Variants in CDH13 observed in about 807,000 individuals in gnomAD.
CDH13 encodes the protein cadherin-13.
CDH13 carries 24 observed loss-of-function variants against 63.8 expected under a neutral mutation model. The ratio of observed to expected loss-of-function variants is 0.38; its 90% CI spans 0.27 to 0.53. The LOEUF is 0.53. Ranked by LOEUF, CDH13 falls within the 20% of genes least tolerant of loss-of-function variation. CDH13 has a pLI of 0.85. For synonymous variants in CDH13, 503 were observed against 355.3 expected, an observed-to-expected ratio of 1.42 and a Z score of -4.67; for missense variants, 1,049 against 903.1, an observed-to-expected ratio of 1.16 and a Z score of -2.07.
chr16:83,466,222 C>T (rs1289265279), intron 6 of CDH13, among the ~76,000 whole-genome samples: 1 of 152,168 alleles, frequency 6.6e-6, no homozygotes, highest in Non-Finnish European at 1.5e-5. Context: ...AGCACGCTCC[C>T]ATTTTAGAAC....
chr16:82,633,525 C>A (rs1326476119), intron 1 of CDH13, among the ~76,000 whole-genome samples: 1 of 152,178 alleles, frequency 6.6e-6, no homozygotes, highest in Non-Finnish European at 1.5e-5. Context: ...ATTACAGGTG[C>A]CCGCCACCAG....
intron 1 of CDH13, among the ~76,000 whole-genome samples, chr16:82,727,949 A>C (rs1395489100): frequency 3.9e-5 from 6 of 152,092 alleles, no homozygotes; most frequent in South Asian, 2.1e-4. Context: ...TGCAGGTTCA[A>C]ATTCCCCTGA....
intron 2 of CDH13, among the ~76,000 whole-genome samples, chr16:82,917,940 A>G (rs1450561081): frequency 1.3e-5 from 2 of 150,760 alleles, no homozygotes; most frequent in Admixed American, 1.3e-4. Flanking sequence ...AAAGGCATGT[A>G]AAGTAAATGG....
intron 1 of CDH13, among the ~76,000 whole-genome samples, chr16:82,699,287 T>G (rs903114897): frequency 1.3e-5 from 2 of 152,192 alleles, no homozygotes; most frequent in South Asian, 4.1e-4. Context: ...CAAGGACAGC[T>G]GCTTGTGTCC....
intron 4 of CDH13, among the ~76,000 whole-genome samples, chr16:83,202,932 A>C (rs929951395): frequency 3.9e-5 from 6 of 152,192 alleles, no homozygotes; most frequent in African/African-American, 1.2e-4. Context: ...GGGCTGAAAA[A>C]CTTCCTTTTG....
intron 3 of CDH13, among the ~76,000 whole-genome samples, chr16:83,114,215 AT>A (rs1450673925): frequency 6.6e-6 from 1 of 152,134 alleles, no homozygotes; most frequent in Non-Finnish European, 1.5e-5. Context: ...CCTTCGATGC[AT>A]TTTTTATTTT....
At chr16:82,649,545 T>C (rs927303409) in intron 1 of CDH13, among the ~76,000 whole-genome samples, 1 of 152,152 alleles carries the variant, frequency 6.6e-6, no homozygotes, top group African/African-American at 2.4e-5. Context: ...GAAAGTGGGC[T>C]TAAGCAGCAT....
intron 6 of CDH13, among the ~76,000 whole-genome samples, chr16:83,441,021 T>C (rs536506629): frequency 2.2e-4 from 33 of 152,328 alleles, no homozygotes; most frequent in African/African-American, 6.5e-4. Flanking sequence ...AACTTTCTAA[T>C]ATATTTAAGG....
intron 10 of CDH13, among the ~76,000 whole-genome samples, chr16:83,722,400 G>A (rs1052692695): frequency 2.6e-5 from 4 of 152,210 alleles, no homozygotes; most frequent in African/African-American, 9.6e-5. Flanking sequence ...CCAATTCATA[G>A]CAGTTTGCAG....
At chr16:83,540,665 T>A (rs1473208801) in intron 7 of CDH13, among the ~76,000 whole-genome samples, 1 of 152,226 alleles carries the variant, frequency 6.6e-6, no homozygotes, top group East Asian at 1.9e-4. Context: ...TAATGACATC[T>A]CAAGTAGTAA....
chr16:83,613,522 A>C (rs937781165), intron 8 of CDH13, among the ~76,000 whole-genome samples: 1 of 152,130 alleles, frequency 6.6e-6, no homozygotes, highest in Non-Finnish European at 1.5e-5. Context: ...CTAATCTACT[A>C]TACCCATTTA....
intron 11 of CDH13, among the ~76,000 whole-genome samples, chr16:83,748,624 G>A (rs1052671430): frequency 2.0e-5 from 3 of 152,192 alleles, no homozygotes; most frequent in African/African-American, 7.2e-5. Context: ...GGACATCACT[G>A]ACCCTGACCA....
At position 83,264,972 on chromosome 16, in the gene CDH13, TTTTC is replaced by T. The variant is rs1337739866; in HGVS notation, c.636+47479_636+47482del. Among the ~76,000 whole-genome samples, 18 of 152,324 alleles carry T rather than the reference TTTTC, an allele frequency of 1.2e-4. No homozygotes were observed. In the East Asian group the frequency reaches 2.5e-3, roughly 21 times the overall value. On this transcript the variant is annotated intron_variant, in intron 5 of 13. Coordinates refer to ENST00000567109, the MANE Select transcript of CDH13 (RefSeq NM_001257.5). ...TATATGAAATACGACTCTGATAGAATTTTCTTTGTCACCTATCATTTTGTTTTTC... is the reference window on the plus strand; with the variant it reads ...TATATGAAATACGACTCTGATAGAATTTTGTCACCTATCATTTTGTTTTTC...
chr16:83,494,177 G>A (rs1340124832), intron 7 of CDH13, among the ~76,000 whole-genome samples: 1 of 152,040 alleles, frequency 6.6e-6, no homozygotes, highest in African/African-American at 2.4e-5. Context: ...AAGATAATTT[G>A]CAGAGTGATG....
At chr16:82,694,407 T>A (rs1337960786) in intron 1 of CDH13, among the ~76,000 whole-genome samples, 1 of 152,224 alleles carries the variant, frequency 6.6e-6, no homozygotes, top group Admixed American at 6.5e-5. Flanking sequence ...TTTTTCTGTG[T>A]CAATGTGATA....
At chr16:83,142,784 C>G (rs967374142) in intron 4 of CDH13, among the ~76,000 whole-genome samples, 1 of 152,068 alleles carries the variant, frequency 6.6e-6, no homozygotes, top group African/African-American at 2.4e-5. Flanking sequence ...AAGGCCAACT[C>G]CAGTGGTCTC....
chr16:83,189,275 C>A (rs533275175), intron 4 of CDH13, among the ~76,000 whole-genome samples: 1 of 152,264 alleles, frequency 6.6e-6, no homozygotes, highest in African/African-American at 2.4e-5. Flanking sequence ...GGCCTCCAGC[C>A]CCTCATGCAC....
chr16:82,992,479 C>T (rs1008571379), intron 2 of CDH13, among the ~76,000 whole-genome samples: 1 of 152,076 alleles, frequency 6.6e-6, no homozygotes, highest in African/African-American at 2.4e-5. Context: ...GGTTTACAAC[C>T]AGTCAAGGGG....
At chr16:82,678,131 A>G (rs1406629865) in intron 1 of CDH13, among the ~76,000 whole-genome samples, 1 of 152,080 alleles carries the variant, frequency 6.6e-6, no homozygotes, top group African/African-American at 2.4e-5. Context: ...TAGTACGGGA[A>G]ACTTTCTTTT....
Sources: allele counts gnomAD v4.1 joint callset (sites outside exome capture counted in the v4.1 genomes callset), GRCh38; gene constraint gnomAD v4.1.1; transcripts MANE v1.5; gene names NCBI Gene and HGNC (gene_info 2026-07-23, HGNC 2026-07-21).